NBEAL2: variants seen among roughly 807,000 people sequenced by gnomAD.
NBEAL2 encodes neurobeachin-like protein 2.
NBEAL2 carries 160 observed loss-of-function variants against 299.8 expected under a neutral mutation model. The observed-to-expected ratio is 0.53, with a 90% CI of 0.47 to 0.61. NBEAL2 has a LOEUF of 0.61. Ranked by LOEUF, NBEAL2 falls within the 20% of genes least tolerant of loss-of-function variation. The pLI, the probability that NBEAL2 is intolerant of heterozygous loss-of-function variation, is 0.00. For synonymous variants in NBEAL2, 1,493 were observed against 1,542.3 expected, an observed-to-expected ratio of 0.97 and a Z score of 0.75; for missense variants, 3,112 against 3,649.0, an observed-to-expected ratio of 0.85 and a Z score of 3.79.
chr3:47,000,146 C>A lies in NBEAL2; in HGVS notation c.4047C>A (p.Leu1349=), dbSNP rs764092675. ...ACCCTGATGGCTTTTACCATGCTCTCTCCCCATTCTGCACGCCCTTTGACC... is the reference window on the plus strand; with the variant it reads ...ACCCTGATGGCTTTTACCATGCTCTATCCCCATTCTGCACGCCCTTTGACC... The part of the protein sequence containing the change: ...CPDPDGFYHA[L]SPFCTPFDLG... Residue 1349 remains leucine, a synonymous_variant, in exon 27 of 54, where the codon CTC becomes CTA. Coordinates refer to ENST00000450053, the MANE Select transcript of NBEAL2 (RefSeq NM_015175.3). This position sits in a 1 kb window ranked among gnomAD's most constrained non-coding sequence, Gnocchi z 4.5. 6.2e-7 allele frequency: 1 copy of A among 1,613,852 alleles called. No individual in the cohort carries two copies.
Position 47,009,352 on chromosome 3 carries a change from C to T in NBEAL2, c.*32C>T, listed in dbSNP as rs1559626918. On this transcript the variant is annotated 3_prime_UTR_variant, in exon 54 of 54. Transcript: ENST00000450053. ...CCAGTCCGGCTGCTCGGGCCCCGCC[C>T]CCGGCAGGCCTGGCCCGGGAGGCCC... 6.4e-7 allele frequency: 1 copy of T among 1,554,222 alleles called. No homozygotes were observed. The highest frequency in any genetic ancestry group is 2.4e-5 in the East Asian group (1 of 41,138).
At position 46,996,881 on chromosome 3, in the gene NBEAL2, C is replaced by T. The variant is rs755084589; in HGVS notation, c.2556+48C>T. On this transcript the variant is annotated intron_variant, in intron 17 of 53. Transcript: ENST00000450053. Reference sequence around the variant, plus strand: ...TGGTTGGCTCGACTGTGCTACTTCCCCGGCTCCCACACTCTGCCTGCCACC... The same window carrying T: ...TGGTTGGCTCGACTGTGCTACTTCCTCGGCTCCCACACTCTGCCTGCCACC... 4 of 1,609,088 alleles carry T rather than the reference C, an allele frequency of 2.5e-6. No individual in the cohort carries two copies. In the East Asian group the frequency reaches 8.9e-5, roughly 36 times the overall value.
chr3:46,997,050 T>G lies in NBEAL2; in HGVS notation c.2649+4T>G. On this transcript the variant is annotated splice_donor_region_variant and intron_variant, in intron 18 of 53. Coordinates refer to ENST00000450053, the MANE Select transcript of NBEAL2 (RefSeq NM_015175.3). ...AGTGGAGACCTGGGATGTGAAGGTC[T>G]GTGAGCACGTGTGGGTGGTGTGTGC... 1 of 1,611,170 alleles carries G rather than the reference T, an allele frequency of 6.2e-7. No homozygotes were observed. Among genetic ancestry groups the G allele is most frequent in the Non-Finnish European group, 8.5e-7 (1 of 1,178,192 alleles).
chr3:47,009,416 C>A lies in NBEAL2; in HGVS notation c.*96C>A. 1 of 1,156,682 alleles carries A rather than the reference C, an allele frequency of 8.6e-7. No homozygotes were observed. The highest frequency in any genetic ancestry group is 1.2e-6 in the Non-Finnish European group (1 of 820,884). The allele number at this position is 1,156,682 out of a possible 1,614,324, so 71.7% of individuals were successfully genotyped here. On this transcript the variant is annotated 3_prime_UTR_variant, in exon 54 of 54. Transcript: ENST00000450053. ...GCGGGAACACCCCGGGGTGGGCAGC[C>A]CAGGGGGGTGAGCGGGGCCCACCCT...
chr3:46,999,457 A>G lies in NBEAL2; in HGVS notation c.3686A>G (p.Lys1229Arg), dbSNP rs766817152. ...CCCCAGCTCTGCCAGGGCCTCTACA[A>G]GCTGTTCCTGGGGGCAGGTACAACC... ...VSPQLCQGLY[K>R]LFLGADCLNL... Residue 1229 changes from lysine (K) to arginine (R), a missense_variant, in exon 25 of 54, where the codon AAG becomes AGG. By Grantham distance (26) the Lys-to-Arg change is conservative. Transcript: ENST00000450053. 18 of 1,580,932 alleles carry G rather than the reference A, an allele frequency of 1.1e-5. No individual in the cohort carries two copies. The Admixed American group carries it at 2.6e-4, about 22-fold the overall frequency.
chr3:46,992,580 C>G, intron 10 of NBEAL2, 25 bp downstream of exon 10: 1 of 1,567,744 alleles, frequency 6.4e-7, no homozygotes, highest in East Asian at 2.4e-5. Context: ...CTGACCAGCT[C>G]AGACACCCCC....
Position 46,989,158 on chromosome 3 carries a change from G to A in NBEAL2, c.343G>A (p.Val115Met), listed in dbSNP as rs761864859. The change falls in exon 4 of 54, where the codon GTG becomes ATG. Residue 115 changes from valine to methionine, a missense_variant. Coordinates refer to ENST00000450053, the MANE Select transcript of NBEAL2 (RefSeq NM_015175.3). The surrounding 1 kb of genome is among the most constrained non-coding windows in gnomAD (Gnocchi z 5.5). ...PRVLALLTKL[V>M]AELKGCPPPQ... ...AGTGCTGGCACTGTTGACCAAGTTGGTGGCGGAGGTGAAGTGGCCTCTACC... is the reference window on the plus strand; with the variant it reads ...AGTGCTGGCACTGTTGACCAAGTTGATGGCGGAGGTGAAGTGGCCTCTACC... 6.2e-7 allele frequency: 1 copy of A among 1,613,956 alleles called. No individual in the cohort carries two copies. The highest frequency in any genetic ancestry group is 1.1e-5 in the South Asian group (1 of 91,084).
chr3:46,998,493 G>T lies in NBEAL2; in HGVS notation c.3149G>T (p.Arg1050Leu), dbSNP rs766586732. ...ATCCAGTACATGTCCAGCATAGTTC[G>T]GGAGCACAGACAGAAGCTGCGGAAG... ...GHIQYMSSIV[R>L]EHRQKLRKKY... The change falls in exon 22 of 54, where the codon CGG (arginine) becomes CTG (leucine). Residue 1050 changes from arginine to leucine, a missense_variant. Transcript: ENST00000450053. 6.2e-7 allele frequency: 1 copy of T among 1,613,324 alleles called. No homozygotes were observed. The highest frequency in any genetic ancestry group is 2.2e-5 in the East Asian group (1 of 44,854).
chr3:47,008,958 C>T (rs2037669840), intron 52 of NBEAL2, 31 bp from the exon 53 acceptor site: 1 of 1,598,272 alleles, frequency 6.3e-7, no homozygotes. Context: ...CTTGCAGTCG[C>T]AAGTTGGTGT....
In NBEAL2 at chr3:46,997,455, G is replaced by T. The variant is rs762024781; in HGVS notation, c.2824+22G>T. On this transcript the variant is annotated intron_variant, in intron 19 of 53. Transcript: ENST00000450053. ...TCAGGTAAGTGTTCCTGGTGCCTAT[G>T]TTGTGGAGAGGGAATCTTGGCATGG... 2.5e-6 allele frequency: 4 copies of T among 1,602,132 alleles called. No homozygotes were observed. In the African/African-American group the frequency reaches 4.0e-5, roughly 16 times the overall value.
rs368640284 is a variant in NBEAL2 at position 47,003,845 on chromosome 3, G to A, written c.5750G>A (p.Arg1917His). 2.8e-5 allele frequency: 45 copies of A among 1,611,356 alleles called. No homozygotes were observed. Among genetic ancestry groups the A allele is most frequent in the Admixed American group, 1.2e-4 (7 of 59,530 alleles). The change falls in exon 36 of 54, where the codon CGT becomes CAT. Residue 1917 changes from arginine to histidine, a missense_variant. Coordinates refer to ENST00000450053, the MANE Select transcript of NBEAL2 (RefSeq NM_015175.3). The surrounding 1 kb of genome is among the most constrained non-coding windows in gnomAD (Gnocchi z 7.0). ...GAGGCAGCAGAACTGGATGAGCAGC[G>A]TGAGAAGCTGGTGCTGTCGGCCGAG... ...PMEAAELDEQ[R>H]EKLVLSAECQ...
In NBEAL2 at chr3:46,988,803, G is replaced by C. The variant is rs1193681560; in HGVS notation, c.141-39G>C. The C allele has an allele frequency of 6.2e-7, 1 of 1,604,540 alleles. No homozygotes were observed. The highest frequency in any genetic ancestry group is 8.5e-7 in the Non-Finnish European group (1 of 1,172,246). ...AGGGCAGGGACAGAGCAGGGAGATT[G>C]AGGGGTCCTCAGCACCCGTGTCTCC... On this transcript the variant is annotated intron_variant, in intron 2 of 53. Transcript: ENST00000450053. This position sits in a 1 kb window ranked among gnomAD's most constrained non-coding sequence, Gnocchi z 4.4.
intron 1 of NBEAL2, chr3:46,987,888 C>G (rs1031185539): frequency 9.5e-6 from 6 of 628,512 alleles, no homozygotes; most frequent in African/African-American, 6.0e-5. Context: ...CCCCGGCCCC[C>G]CCACATCCCT....
chr3:46,993,986 T>C lies in NBEAL2; in HGVS notation c.1163T>C (p.Leu388Pro), dbSNP rs387907113. The change falls in exon 11 of 54, where the codon CTG becomes CCG. Residue 388 changes from leucine (L) to proline (P), a missense_variant. This residue lies in a region of NBEAL2 where 2,243 missense variants were observed against 2,538.1 expected (regional missense o/e 0.88). Coordinates refer to ENST00000450053, the MANE Select transcript of NBEAL2 (RefSeq NM_015175.3). The stretch of plus-strand genomic sequence containing the variant: ...ATTGCAGTCCATGTAGTCAGAGTGC[T>C]GACCTGCATCATGAGTGACTCCCCC... ...DAIAVHVVRV[L>P]TCIMSDSPSA... is the part of the protein sequence containing the mutation. The C allele has an allele frequency of 3.7e-6, 6 of 1,612,122 alleles. No individual in the cohort carries two copies. The highest frequency in any genetic ancestry group is 4.2e-6 in the Non-Finnish European group (5 of 1,179,374).
rs1251276800 is a variant in NBEAL2, at chr3:47,003,178, G to A, written c.5589G>A (p.Glu1863=). Residue 1863 remains glutamate (E), a synonymous_variant, in exon 35 of 54, where the codon GAG becomes GAA. Transcript: ENST00000450053. The surrounding 1 kb of genome is among the most constrained non-coding windows in gnomAD (Gnocchi z 7.0). The stretch of plus-strand genomic sequence containing the variant: ...AGTACCCTTGGCCCCTTGCAGGTGA[G>A]GTTCCCCTGACACCCACCGAGGAGG... ...EASALRDNLG[E]VPLTPTEEAS... is the part of the protein sequence containing the mutation. The A allele has an allele frequency of 6.2e-7, 1 of 1,605,704 alleles. No homozygotes were observed. Among genetic ancestry groups the A allele is most frequent in the Non-Finnish European group, 8.5e-7 (1 of 1,174,386 alleles).
rs1048808 is a variant in NBEAL2 at position 47,009,539 on chromosome 3, A to C, written c.*219A>C. The C allele has an allele frequency of 9.2e-3, 5,240 of 568,930 alleles. 66 individuals are homozygous for C. Among genetic ancestry groups the C allele is most frequent in the African/African-American group, 0.039 (1,950 of 50,540 alleles). 35.2% of individuals were successfully genotyped at this position (568,930 alleles called of 1,614,324 possible). A position where few individuals can be genotyped will look rare whatever the true frequency, so the allele number is the denominator to read the frequency against. ...CTGAGGGGCCGCCCTGAGGGCCAGC[A>C]CTGGCGTCTGCGGCCGCAGCAGCAC... On this transcript the variant is annotated 3_prime_UTR_variant, in exon 54 of 54. Coordinates refer to ENST00000450053, the MANE Select transcript of NBEAL2 (RefSeq NM_015175.3).
At chr3:46,984,961 A>G (rs1472065570) in intron 1 of NBEAL2, among the ~76,000 whole-genome samples, 15 of 152,120 alleles carry the variant, frequency 9.9e-5, no homozygotes, top group Admixed American at 8.5e-4. Flanking sequence ...GGATGGTTTT[A>G]AAGAGGTTAA....
In NBEAL2 at chr3:46,991,426, A is replaced by T. The variant is rs751622960; in HGVS notation, c.663A>T (p.Val221=). ...AGGKENGQMA[V]SDGSVKGLLS... is the part of the protein sequence containing the mutation. Reference sequence around the variant, plus strand: ...TGCAGGAGAACGGGCAGATGGCTGTAAGTGATGGCTCTGTGAAGGGCCTGC... The same window carrying T: ...TGCAGGAGAACGGGCAGATGGCTGTTAGTGATGGCTCTGTGAAGGGCCTGC... Residue 221 remains valine (V), a synonymous_variant, in exon 8 of 54, where the codon GTA becomes GTT. Coordinates refer to ENST00000450053, the MANE Select transcript of NBEAL2 (RefSeq NM_015175.3). The surrounding 1 kb of genome is among the most constrained non-coding windows in gnomAD (Gnocchi z 6.2). 2.5e-6 allele frequency: 4 copies of T among 1,607,680 alleles called. No individual in the cohort carries two copies. Among genetic ancestry groups the T allele is most frequent in the Non-Finnish European group, 3.4e-6 (4 of 1,176,116 alleles).
Position 46,994,465 on chromosome 3 carries a change from A to G in NBEAL2, c.1208A>G (p.Lys403Arg). 6.3e-7 allele frequency: 1 copy of G among 1,593,162 alleles called. No homozygotes were observed. The highest frequency in any genetic ancestry group is 1.1e-5 in the South Asian group (1 of 88,108). The change falls in exon 12 of 54, where the codon AAG becomes AGG. Residue 403 changes from lysine (K) to arginine (R), a missense_variant. Physicochemically the swap from Lys to Arg is conservative, Grantham distance 26. Coordinates refer to ENST00000450053, the MANE Select transcript of NBEAL2 (RefSeq NM_015175.3). Reference sequence around the variant, plus strand: ...TACTACCTTACACAGGAGGTGTTTAAGGAGCGCATCGGCTACCCTCACCTG... The same window carrying G: ...TACTACCTTACACAGGAGGTGTTTAGGGAGCGCATCGGCTACCCTCACCTG... The part of the protein sequence containing the change: ...SDSPSAKEVF[K>R]ERIGYPHLQE...
Sources: gnomAD v4.1 joint callset for allele counts (sites outside exome capture counted in the v4.1 genomes callset) on GRCh38, gnomAD v4.1.1 for gene constraint, gnomAD v4.1.1 regional missense constraint, Gnocchi (gnomAD v3.1) non-coding constraint, MANE v1.5 for transcripts, NCBI Gene and HGNC (gene_info 2026-07-23, HGNC 2026-07-21) for gene names.